SLC25A38: variants seen among roughly 807,000 people sequenced by gnomAD.
SLC25A38 encodes the protein mitochondrial glycine transporter.
Under a neutral mutation model 33.4 loss-of-function variants are expected in SLC25A38, and 27 were observed. That is an observed-to-expected ratio of 0.81 (90% CI 0.60 to 1.11). The LOEUF (loss-of-function observed/expected upper bound fraction) is 1.11, where lower values mean the gene tolerates loss of function less well. Among genes scored for constraint, SLC25A38 ranks in the 50% most tolerant of loss-of-function variants. The pLI is 0.00. For missense variants in SLC25A38, 344 were observed against 388.8 expected, an observed-to-expected ratio of 0.88 and a Z score of 0.97; for synonymous variants, 123 against 145.9, an observed-to-expected ratio of 0.84 and a Z score of 1.13.
At position 39,397,329 on chromosome 3, in the gene SLC25A38, C is replaced by T. The variant is rs71325527; in HGVS notation, c.*809C>T. 6.9e-3 allele frequency: 1,053 copies of T among 152,390 alleles called. 13 individuals are homozygous for T. Among genetic ancestry groups the T allele is most frequent in the South Asian group, 0.052 (253 of 4,828 alleles). The allele number at this position is 152,390 out of a possible 1,614,324, so 9.4% of individuals were successfully genotyped here. A position where few individuals can be genotyped will look rare whatever the true frequency, so the allele number is the denominator to read the frequency against. On this transcript the variant is annotated 3_prime_UTR_variant, in exon 7 of 7. Transcript: ENST00000650617. The stretch of plus-strand genomic sequence containing the variant: ...AGTTCTAGGGTGGCTGGTTATTGAC[C>T]TATGTAGGTCCCTAAAACCTAATTT...
chr3:39,396,585 T>C lies in SLC25A38; in HGVS notation c.*65T>C. ...CTTGGTTTCTGCCAAGGGCTGCTGC[T>C]TCTTACTATTCTGCAGTAAGATGAA... On this transcript the variant is annotated 3_prime_UTR_variant, in exon 7 of 7. Transcript: ENST00000650617. 6.2e-7 allele frequency: 1 copy of C among 1,611,842 alleles called. No homozygotes were observed. Among genetic ancestry groups the C allele is most frequent in the Non-Finnish European group, 8.5e-7 (1 of 1,179,460 alleles).
chr3:39,383,876 C>A, intron 1 of SLC25A38, 83 bp downstream of exon 1: 1 of 1,491,978 alleles, frequency 6.7e-7, no homozygotes, highest in Non-Finnish European at 9.3e-7. Flanking sequence ...TAAGGCTCGG[C>A]TACCCTTTTC....
intron 6 of SLC25A38, among the ~76,000 whole-genome samples, 176 bp from the exon 7 acceptor site, chr3:39,396,222 A>T (rs1215668869): frequency 2.0e-5 from 3 of 151,676 alleles, no homozygotes; most frequent in African/African-American, 4.8e-5. Context: ...AAAAAAAAAA[A>T]ATTTTTTTTA....
At position 39,397,153 on chromosome 3, in the gene SLC25A38, A is replaced by AT. The variant is rs34288981; in HGVS notation, c.*642dup. The stretch of plus-strand genomic sequence containing the variant: ...TACTGTTTTACCTCTAAATTCTGGC[A>AT]TTTTTTTTTCCCTGCAATTAAAGTG... On this transcript the variant is annotated 3_prime_UTR_variant, in exon 7 of 7. Transcript: ENST00000650617. The AT allele has an allele frequency of 1.4e-4, 22 of 153,192 alleles. No homozygotes were observed. Among genetic ancestry groups the AT allele is most frequent in the South Asian group, 6.1e-4 (3 of 4,938 alleles). 9.5% of individuals were successfully genotyped at this position (153,192 alleles called of 1,614,324 possible).
In SLC25A38 at chr3:39,394,531, A is replaced by G. The variant is rs1300526671; in HGVS notation, c.747A>G (p.Pro249=). Residue 249 remains proline, a synonymous_variant, in exon 6 of 7, where the codon CCA becomes CCG. Coordinates refer to ENST00000650617, the MANE Select transcript of SLC25A38 (RefSeq NM_017875.4). ...DVIKTHMQLY[P]LKFQWIGQAV... is the part of the protein sequence containing the mutation. Reference sequence around the variant, plus strand: ...TCAAAACTCATATGCAGCTTTATCCACTGAAGTTTCAATGGATTGGCCAAG... The same window carrying G: ...TCAAAACTCATATGCAGCTTTATCCGCTGAAGTTTCAATGGATTGGCCAAG... The G allele has an allele frequency of 2.5e-6, 4 of 1,614,192 alleles. No individual in the cohort carries two copies. The highest frequency in any genetic ancestry group is 1.7e-5 in the Admixed American group (1 of 60,020).
chr3:39,394,324 G>C, intron 5 of SLC25A38, 86 bp from the exon 6 acceptor site: 1 of 1,537,976 alleles, frequency 6.5e-7, no homozygotes, highest in Non-Finnish European at 9.0e-7. Flanking sequence ...TTCTTGGTTT[G>C]GGGAAGAATT....
chr3:39,394,518 T>C lies in SLC25A38; in HGVS notation c.734T>C (p.Met245Thr). ...CCTGCGGATGTTATCAAAACTCATA[T>C]GCAGCTTTATCCACTGAAGTTTCAA... ...TQPADVIKTH[M>T]QLYPLKFQWI... is the part of the protein sequence containing the mutation. The change falls in exon 6 of 7, where the codon ATG (methionine) becomes ACG (threonine). Residue 245 changes from methionine (M) to threonine (T), a missense_variant. Physicochemically the swap from Met to Thr is moderately conservative, Grantham distance 81. Transcript: ENST00000650617. 6.2e-7 allele frequency: 1 copy of C among 1,614,198 alleles called. No individual in the cohort carries two copies. The highest frequency in any genetic ancestry group is 8.5e-7 in the Non-Finnish European group (1 of 1,180,032).
In SLC25A38 at chr3:39,389,340, C is replaced by G. The variant is rs757286486; in HGVS notation, c.70-155C>G. On this transcript the variant is annotated intron_variant, in intron 1 of 6. Transcript: ENST00000650617. This position sits in a 1 kb window ranked among gnomAD's most constrained non-coding sequence, Gnocchi z 4.5. ...ACATTGCAGTATTTTTAATTTCTGG[C>G]TATACTTTTTCCTTCTCCGAGGTAT... 1 of 1,139,820 alleles carries G rather than the reference C, an allele frequency of 8.8e-7. No individual in the cohort carries two copies. Among genetic ancestry groups the G allele is most frequent in the Admixed American group, 2.0e-5 (1 of 51,066 alleles). 70.6% of individuals were successfully genotyped at this position (1,139,820 alleles called of 1,614,324 possible).
At chr3:39,393,832 C>G (rs577717694) in intron 5 of SLC25A38, among the ~76,000 whole-genome samples, 20 of 152,298 alleles carry the variant, frequency 1.3e-4, no homozygotes, top group African/African-American at 4.8e-4. Flanking sequence ...CTAATTGTCC[C>G]AATAATGTAC....
chr3:39,392,891 G>C (rs2041788329), intron 5 of SLC25A38, among the ~76,000 whole-genome samples: 1 of 152,114 alleles, frequency 6.6e-6, no homozygotes, highest in Non-Finnish European at 1.5e-5. Flanking sequence ...GAAAGTTAAG[G>C]CAATAAGGAA....
chr3:39,385,203 T>TTTG (rs968551841), intron 1 of SLC25A38, among the ~76,000 whole-genome samples: 5 of 152,148 alleles, frequency 3.3e-5, no homozygotes, highest in African/African-American at 7.2e-5. Flanking sequence ...TGGGATGGTT[T>TTTG]TTGTTGTTGT....
At chr3:39,386,338 T>G (rs1226059113) in intron 1 of SLC25A38, among the ~76,000 whole-genome samples, 1 of 152,154 alleles carries the variant, frequency 6.6e-6, no homozygotes, top group African/African-American at 2.4e-5. Context: ...GCTAACACTT[T>G]GGGAGGCAGA....
Position 39,396,478 on chromosome 3 carries a change from G to A in SLC25A38, c.873G>A (p.Thr291=), listed in dbSNP as rs367882750. ...RRTLMAAMAW[T]VYEEMMAKMG... is the part of the protein sequence containing the mutation. ...CTCTAATGGCAGCAATGGCGTGGACGGTGTATGAAGAGATGATGGCCAAGA... is the reference window on the plus strand; with the variant it reads ...CTCTAATGGCAGCAATGGCGTGGACAGTGTATGAAGAGATGATGGCCAAGA... Residue 291 remains threonine (T), a synonymous_variant, in exon 7 of 7, where the codon ACG becomes ACA. Transcript: ENST00000650617. The A allele has an allele frequency of 4.3e-6, 7 of 1,614,074 alleles. No homozygotes were observed. The highest frequency in any genetic ancestry group is 1.6e-4 in the Middle Eastern group (1 of 6,062).
Position 39,383,518 on chromosome 3 carries a change from G to T in SLC25A38, c.-207G>T, listed in dbSNP as rs2041670561. The T allele has an allele frequency of 3.3e-6, 2 of 608,474 alleles. No homozygotes were observed. Among genetic ancestry groups the T allele is most frequent in the Non-Finnish European group, 5.9e-6 (2 of 339,070 alleles). The allele number at this position is 608,474 out of a possible 1,614,324, so 37.7% of individuals were successfully genotyped here. A position where few individuals can be genotyped will look rare whatever the true frequency, so the allele number is the denominator to read the frequency against. ...GAGCGGCGCGTAATTCCCGCAGCAA[G>T]ATTGTTCCGCGCCCGCAGCCCCTGG... On this transcript the variant is annotated 5_prime_UTR_variant, in exon 1 of 7. Transcript: ENST00000650617.
intron 6 of SLC25A38, 99 bp downstream of exon 6, chr3:39,394,675 G>T: frequency 1.4e-6 from 2 of 1,437,398 alleles, no homozygotes; most frequent in Non-Finnish European, 1.9e-6. Flanking sequence ...TGCCTAGAGA[G>T]CTTTTAAAAA....
At chr3:39,390,659 G>A (rs2041754489) in intron 3 of SLC25A38, 152 bp downstream of exon 3, 2 of 785,434 alleles carry the variant, frequency 2.5e-6, no homozygotes, top group South Asian at 2.9e-5. Context: ...ACTAACTTCT[G>A]TTTGAAGGCT....
chr3:39,395,356 T>C (rs7652416), intron 6 of SLC25A38, among the ~76,000 whole-genome samples: 40,622 of 151,920 alleles, frequency 0.27, 5,996 homozygotes, highest in Non-Finnish European at 0.32. Context: ...GAGGATCCCT[T>C]GAGCCCAGGA....
rs1440026109 is a variant in SLC25A38, at chr3:39,396,637, T to C, written c.*117T>C. On this transcript the variant is annotated 3_prime_UTR_variant, in exon 7 of 7. Coordinates refer to ENST00000650617, the MANE Select transcript of SLC25A38 (RefSeq NM_017875.4). ...TCCTACCTGGAAAACCAGGCAGAAA[T>C]TGTGTTGCCTTTGCCTTCAGTAATC... The C allele has an allele frequency of 6.4e-7, 1 of 1,553,296 alleles. No individual in the cohort carries two copies. The highest frequency in any genetic ancestry group is 8.8e-7 in the Non-Finnish European group (1 of 1,132,134).
At chr3:39,383,940 A>G (rs1389468863) in intron 1 of SLC25A38, 147 bp downstream of exon 1, 1 of 926,214 alleles carries the variant, frequency 1.1e-6, no homozygotes, top group Non-Finnish European at 1.7e-6. Flanking sequence ...GAGTCTGACT[A>G]AGGGAATTGA....
Sources: gnomAD v4.1 joint callset for allele counts (sites outside exome capture counted in the v4.1 genomes callset) on GRCh38, gnomAD v4.1.1 for gene constraint, Gnocchi (gnomAD v3.1) non-coding constraint, MANE v1.5 for transcripts, NCBI Gene and HGNC (gene_info 2026-07-23, HGNC 2026-07-21) for gene names.